ZNF107: variants seen among roughly 807,000 people sequenced by gnomAD.
The protein encoded by ZNF107 is C2H2 type zinc-finger protein.
A neutral mutation model predicts 12.3 loss-of-function variants in ZNF107; 19 were observed. The ratio of observed to expected loss-of-function variants is 1.55; its 90% confidence interval spans 1.08 to 2.27. The LOEUF (loss-of-function observed/expected upper bound fraction) is 2.27, where lower values mean the gene tolerates loss of function less well. ZNF107 is among the 30% of genes most tolerant of loss of function. ZNF107 has a pLI of 0.00. For missense variants in ZNF107, 958 were observed against 979.9 expected (o/e 0.98, Z 0.30); for synonymous variants, 317 against 330.5 (o/e 0.96, Z 0.44).
At chr7:64,669,719 C>A (rs1351556292) in intron 1 of ZNF107, among the ~76,000 whole-genome samples, 1 of 152,016 alleles carries the variant, frequency 6.6e-6, no homozygotes, top group Non-Finnish European at 1.5e-5. Context: ...ATCTGGGAGG[C>A]AGAGGTTGCA....
chr7:64,681,004 G>C (rs978908228), intron 1 of ZNF107, among the ~76,000 whole-genome samples: 5 of 152,128 alleles, frequency 3.3e-5, no homozygotes, highest in African/African-American at 9.7e-5. Context: ...GCAGCCTGGG[G>C]TTCCTCCTAA....
At position 64,707,946 on chromosome 7, in the gene ZNF107, G is replaced by A. The variant is rs776808951; in HGVS notation, c.1849G>A (p.Gly617Arg). 1.7e-5 allele frequency: 28 copies of A among 1,613,534 alleles called. No homozygotes were observed. The highest frequency in any genetic ancestry group is 2.4e-5 in the Non-Finnish European group (28 of 1,179,758). Residue 617 changes from glycine to arginine, a missense_variant, in exon 4 of 4, where the codon GGA (glycine) becomes AGA (arginine). Gly to Arg is a moderately radical substitution (Grantham distance 125, BLOSUM62 -2). Coordinates refer to ENST00000620827, the MANE Select transcript of ZNF107 (RefSeq NM_001282359.2). ...TACTATACATAAAATTATTCATACTGGAGAGAAACCCTACAAATGTGAAGA... is the reference window on the plus strand; with the variant it reads ...TACTATACATAAAATTATTCATACTAGAGAGAAACCCTACAAATGTGAAGA... ...HRTIHKIIHT[G>R]EKPYKCEEHG... is the part of the protein sequence containing the mutation.
At chr7:64,688,326 G>A (rs963133021) in intron 1 of ZNF107, among the ~76,000 whole-genome samples, 2 of 146,368 alleles carry the variant, frequency 1.4e-5, no homozygotes, top group Non-Finnish European at 3.0e-5. Flanking sequence ...GCATGATCTC[G>A]GCTCACTGCA....
chr7:64,706,837 A>G lies in ZNF107; in HGVS notation c.740A>G (p.His247Arg). 6.2e-7 allele frequency: 1 copy of G among 1,613,724 alleles called. No homozygotes were observed. The highest frequency in any genetic ancestry group is 8.5e-7 in the Non-Finnish European group (1 of 1,179,824). ...AACCAGTCCTCACAACTTACTAGGC[A>G]TAAGATAATTCATACTGAAGAGAAA... ...AFNQSSQLTR[H>R]KIIHTEEKPN... The change falls in exon 4 of 4, where the codon CAT becomes CGT. Residue 247 changes from histidine to arginine, a missense_variant. Transcript: ENST00000620827.
intron 1 of ZNF107, chr7:64,686,897 T>C (rs781239773): frequency 6.2e-5 from 61 of 985,448 alleles, no homozygotes; most frequent in Non-Finnish European, 7.2e-5. Context: ...CAAAGTCTGC[T>C]TGGGTCTTCA....
At chr7:64,703,317 A>G (rs73363325) in intron 3 of ZNF107, among the ~76,000 whole-genome samples, 3,222 of 152,110 alleles carry the variant, frequency 0.021, 113 homozygotes, top group African/African-American at 0.074. Flanking sequence ...GTATTTTTTT[A>G]TGATTTGTAT....
intron 1 of ZNF107, among the ~76,000 whole-genome samples, chr7:64,668,628 A>G (rs1246783384): frequency 1.3e-5 from 2 of 152,190 alleles, no homozygotes; most frequent in Non-Finnish European, 2.9e-5. Flanking sequence ...TACAGAGCAT[A>G]AAAGAGGTGA....
intron 1 of ZNF107, chr7:64,686,792 C>G (rs555474433): frequency 1.2e-6 from 1 of 859,662 alleles, no homozygotes; most frequent in African/African-American, 1.8e-5. Flanking sequence ...CCACTTTGCC[C>G]TGTAAAGACT....
At chr7:64,672,681 C>T (rs1284858566) in intron 1 of ZNF107, among the ~76,000 whole-genome samples, 4 of 152,076 alleles carry the variant, frequency 2.6e-5, no homozygotes, top group Non-Finnish European at 5.9e-5. Flanking sequence ...TTTTCTTTAT[C>T]CAGTCTACCG....
intron 1 of ZNF107, chr7:64,684,671 T>C (rs544117254): frequency 3.0e-6 from 3 of 985,262 alleles, no homozygotes; most frequent in Non-Finnish European, 3.6e-6. Flanking sequence ...TGCCAAGACA[T>C]CTCCTGGTTT....
At chr7:64,691,764 G>T in intron 2 of ZNF107, 101 bp from the exon 3 acceptor site, 1 of 493,558 alleles carries the variant, frequency 2.0e-6, no homozygotes. Flanking sequence ...TTATAAATTA[G>T]TATTTATTCT....
At chr7:64,668,600 A>G (rs1789100119) in intron 1 of ZNF107, among the ~76,000 whole-genome samples, 1 of 152,168 alleles carries the variant, frequency 6.6e-6, no homozygotes, top group African/African-American at 2.4e-5. Context: ...AGTATGATTT[A>G]AAAGTTAAGA....
Position 64,707,130 on chromosome 7 carries a change from G to C in ZNF107, c.1033G>C (p.Glu345Gln). 1.9e-6 allele frequency: 3 copies of C among 1,613,534 alleles called. No homozygotes were observed. Among genetic ancestry groups the C allele is most frequent in the Non-Finnish European group, 2.5e-6 (3 of 1,179,756 alleles). Residue 345 changes from glutamate to glutamine, a missense_variant, in exon 4 of 4, where the codon GAA (glutamate) becomes CAA (glutamine). Transcript: ENST00000620827. Reference sequence around the variant, plus strand: ...TGGGGAGAAACCCTACAAATGTAAAGAATGTGGCAGAGCTTTTAACATATC... The same window carrying C: ...TGGGGAGAAACCCTACAAATGTAAACAATGTGGCAGAGCTTTTAACATATC... ...HAGEKPYKCK[E>Q]CGRAFNISSN...
Position 64,708,599 on chromosome 7 carries a change from A to G in ZNF107, c.2502A>G (p.Thr834=). Residue 834 remains threonine, a synonymous_variant, in exon 4 of 4, where the codon ACA becomes ACG. Coordinates refer to ENST00000620827, the MANE Select transcript of ZNF107 (RefSeq NM_001282359.2). ...TCAACCTATCCTCAAATCTTACTAC[A>G]CATAAGAAAATTCATACTGGAGAGA... ...RAFNLSSNLT[T]HKKIHTGEKP... 6.2e-7 allele frequency: 1 copy of G among 1,611,150 alleles called. No homozygotes were observed. The highest frequency in any genetic ancestry group is 8.5e-7 in the Non-Finnish European group (1 of 1,178,856).
In ZNF107 at chr7:64,694,088, A is replaced by G. The variant is rs371370444; in HGVS notation, c.226+2128A>G. Among the ~76,000 whole-genome samples the G allele has an allele frequency of 8.5e-5, 13 of 152,302 alleles. No homozygotes were observed. The East Asian group carries it at 2.5e-3, about 29-fold the overall frequency. On this transcript the variant is annotated intron_variant, in intron 3 of 3. Coordinates refer to ENST00000620827, the MANE Select transcript of ZNF107 (RefSeq NM_001282359.2). ...CAGGCGTGAGCCACCACACCCAGCC[A>G]CTGTGTGGGTTTCTATGTAGGCAGA...
In ZNF107 at chr7:64,708,613, A is replaced by G. The variant is rs374387682; in HGVS notation, c.2516A>G (p.His839Arg). 2.3e-5 allele frequency: 36 copies of G among 1,595,204 alleles called. No homozygotes were observed. Among genetic ancestry groups the G allele is most frequent in the Non-Finnish European group, 2.8e-5 (33 of 1,168,226 alleles). Residue 839 changes from histidine (H) to arginine (R), a missense_variant, in exon 4 of 4, where the codon CAT (histidine) becomes CGT (arginine). Physicochemically the swap from His to Arg is conservative, Grantham distance 29. Transcript: ENST00000620827. ...SSNLTTHKKI[H>R]TGEKPYKCEY... ...AATCTTACTACACATAAGAAAATTC[A>G]TACTGGAGAGAAACCCTACAAATGT...
chr7:64,687,666 G>A, intron 1 of ZNF107: 1 of 647,068 alleles, frequency 1.5e-6, no homozygotes, highest in Non-Finnish European at 1.9e-6. Flanking sequence ...AAATTACCAG[G>A]TGAATTTATG....
intron 1 of ZNF107, among the ~76,000 whole-genome samples, chr7:64,681,107 C>G (rs989764297): frequency 2.0e-5 from 3 of 152,154 alleles, no homozygotes; most frequent in Non-Finnish European, 4.4e-5. Context: ...CCCCACAGCC[C>G]CCTGGCTGAC....
intron 1 of ZNF107, among the ~76,000 whole-genome samples, chr7:64,687,916 T>C (rs1789979483): frequency 6.6e-6 from 1 of 152,240 alleles, no homozygotes; most frequent in Non-Finnish European, 1.5e-5. Context: ...ACACATGATA[T>C]AAACATATAA....
Sources: allele counts gnomAD v4.1 joint callset (sites outside exome capture counted in the v4.1 genomes callset), GRCh38; gene constraint gnomAD v4.1.1; transcripts MANE v1.5; gene names NCBI Gene and HGNC (gene_info 2026-07-23, HGNC 2026-07-21).